Variants in IMPDH2 observed in about 807,000 individuals in gnomAD.
IMPDH2 encodes the protein inosine monophosphate dehydrogenase 2, also known as inosine-5'-monophosphate dehydrogenase 2.
Under a neutral mutation model 57.8 loss-of-function variants are expected in IMPDH2, and 33 were observed. The ratio of observed to expected loss-of-function variants is 0.57; its 90% CI spans 0.43 to 0.76. The LOEUF (loss-of-function observed/expected upper bound fraction) is 0.76, where lower values mean the gene tolerates loss of function less well. Among genes scored for constraint, IMPDH2 ranks in the 30% least tolerant of loss-of-function variants. The pLI is 0.00. For missense variants in IMPDH2, 446 were observed against 659.1 expected (o/e 0.68, Z 3.54); for synonymous variants, 270 against 241.3 (o/e 1.12, Z -1.10).
chr3:49,024,980 T>A lies in IMPDH2; in HGVS notation c.1211A>T (p.Asp404Val). 9.9e-6 allele frequency: 16 copies of A among 1,614,146 alleles called. No individual in the cohort carries two copies. The highest frequency in any genetic ancestry group is 1.4e-5 in the Non-Finnish European group (16 of 1,180,034). ...GCGATATTTCTTTAGCCGGATCCCATCGGAAAAGAAGTATTCACCAGGGGC... is the reference window on the plus strand; with the variant it reads ...GCGATATTTCTTTAGCCGGATCCCAACGGAAAAGAAGTATTCACCAGGGGC... ...TEAPGEYFFS[D>V]GIRLKKYRGM... Residue 404 changes from aspartate (D) to valine (V), a missense_variant, in exon 11 of 14, where the codon GAT (aspartate) becomes GTT (valine). Physicochemically the swap from Asp to Val is radical, Grantham distance 152. Transcript: ENST00000326739.
At chr3:49,025,816 T>TA (rs1421265665) in intron 9 of IMPDH2, among the ~76,000 whole-genome samples, 1 of 152,194 alleles carries the variant, frequency 6.6e-6, no homozygotes, top group Non-Finnish European at 1.5e-5. Flanking sequence ...TCCTGCCCTA[T>TA]CAGCACCCCA....
Position 49,024,414 on chromosome 3 carries a change from G to T in IMPDH2, c.1524-10C>A. The T allele has an allele frequency of 6.2e-7, 1 of 1,614,200 alleles. No individual in the cohort carries two copies. Among genetic ancestry groups the T allele is most frequent in the Non-Finnish European group, 8.5e-7 (1 of 1,180,024 alleles). ...AAGCCGCTTCTCATACCTGCAGGCA[G>T]AAGGACCACCTGTGAGGTGAGGGCA... On this transcript the variant is annotated splice_polypyrimidine_tract_variant and intron_variant, in intron 13 of 13. Transcript: ENST00000326739.
In IMPDH2 at chr3:49,027,749, A is replaced by G. The variant is rs1440857144; in HGVS notation, c.492T>C (p.Asp164=). Residue 164 remains aspartate (D), a synonymous_variant, in exon 5 of 14, where the codon GAT becomes GAC. Coordinates refer to ENST00000326739, the MANE Select transcript of IMPDH2 (RefSeq NM_000884.3). ...AGTCATGTTCCTCCTCTTTGAGAAA[A>G]TCAATGTCCCTGGAGGAGATGATGC... The part of the protein sequence containing the change: ...LVGIISSRDI[D]FLKEEEHDCF... The G allele has an allele frequency of 6.2e-7, 1 of 1,614,148 alleles. No homozygotes were observed.
intron 10 of IMPDH2, 39 bp downstream of exon 10, chr3:49,025,087 G>C (rs1255618186): frequency 1.2e-6 from 2 of 1,614,230 alleles, no homozygotes; most frequent in Non-Finnish European, 1.7e-6. Flanking sequence ...CAGCACTAGG[G>C]AGGGGGTCCC....
At position 49,027,056 on chromosome 3, in the gene IMPDH2, G is replaced by A. The variant is rs781125228; in HGVS notation, c.532-9C>T. On this transcript the variant is annotated splice_polypyrimidine_tract_variant and intron_variant, in intron 5 of 13. Coordinates refer to ENST00000326739, the MANE Select transcript of IMPDH2 (RefSeq NM_000884.3). Reference sequence around the variant, plus strand: ...TCCCTCTTTGTCATTATCTACGTGGGAGGTGAGATGTGAAGAAGGGCCAGT... The same window carrying A: ...TCCCTCTTTGTCATTATCTACGTGGAAGGTGAGATGTGAAGAAGGGCCAGT... The A allele has an allele frequency of 6.2e-7, 1 of 1,600,618 alleles. No homozygotes were observed. Among genetic ancestry groups the A allele is most frequent in the South Asian group, 1.1e-5 (1 of 90,802 alleles).
In IMPDH2 at chr3:49,027,933, A is replaced by T. The variant is rs754631584; in HGVS notation, c.325-17T>A. On this transcript the variant is annotated splice_polypyrimidine_tract_variant and intron_variant, in intron 4 of 13. Coordinates refer to ENST00000326739, the MANE Select transcript of IMPDH2 (RefSeq NM_000884.3). ...TTCATATTTCTGGAAAGGGATGGTG[A>T]GAAAGGGCATCGCATCTTTGAACTA... 1 of 1,585,368 alleles carries T rather than the reference A, an allele frequency of 6.3e-7. No individual in the cohort carries two copies. The highest frequency in any genetic ancestry group is 8.7e-7 in the Non-Finnish European group (1 of 1,155,088).
In IMPDH2 at chr3:49,028,549, C is replaced by G. The variant is rs371591153; in HGVS notation, c.148-17G>C. On this transcript the variant is annotated splice_polypyrimidine_tract_variant and intron_variant, in intron 2 of 13. Coordinates refer to ENST00000326739, the MANE Select transcript of IMPDH2 (RefSeq NM_000884.3). Reference sequence around the variant, plus strand: ...AGTCAGGTCCTGAGGAGACAAACGTCAACCAGTGTGGGAAAGCATCCCTTA... The same window carrying G: ...AGTCAGGTCCTGAGGAGACAAACGTGAACCAGTGTGGGAAAGCATCCCTTA... 230 of 1,596,374 alleles carry G rather than the reference C, an allele frequency of 1.4e-4. No individual in the cohort carries two copies. The highest frequency in any genetic ancestry group is 1.9e-4 in the Non-Finnish European group (217 of 1,164,246).
Position 49,028,182 on chromosome 3 carries a change from C to T in IMPDH2, c.324+66G>A, listed in dbSNP as rs201229045. The T allele has an allele frequency of 4.4e-5, 57 of 1,302,240 alleles. No homozygotes were observed. The East Asian group carries it at 9.2e-4, about 21-fold the overall frequency. The allele number at this position is 1,302,240 out of a possible 1,614,324, so 80.7% of individuals were successfully genotyped here. On this transcript the variant is annotated intron_variant, in intron 4 of 13. Transcript: ENST00000326739. ...AATACTAAATTAGAATAAACCCCTA[C>T]TCCCACCCCACCCCACCTCAGTGCA... is the stretch of plus-strand genomic sequence containing the variant.
chr3:49,025,353 C>T, intron 9 of IMPDH2, 84 bp from the exon 10 acceptor site: 1 of 1,482,880 alleles, frequency 6.7e-7, no homozygotes, highest in African/African-American at 1.4e-5. Flanking sequence ...GACCCAGGAG[C>T]TTTTGGCTAC....
At position 49,024,584 on chromosome 3, in the gene IMPDH2, G is replaced by A. The variant is rs779856970; in HGVS notation, c.1440-6C>T. 8.1e-6 allele frequency: 13 copies of A among 1,614,178 alleles called. No homozygotes were observed. Among genetic ancestry groups the A allele is most frequent in the East Asian group, 2.2e-5 (1 of 44,886 alleles). On this transcript the variant is annotated splice_region_variant and splice_polypyrimidine_tract_variant and intron_variant, in intron 12 of 13. Transcript: ENST00000326739. ...CCCCAGAGTACATCATGGCTCTGAAGAAGGGCAGAGGTCAAATGTGGGTAG... is the reference window on the plus strand; with the variant it reads ...CCCCAGAGTACATCATGGCTCTGAAAAAGGGCAGAGGTCAAATGTGGGTAG...
intron 9 of IMPDH2, 46 bp downstream of exon 9, chr3:49,026,278 G>T: frequency 7.5e-7 from 1 of 1,340,460 alleles, no homozygotes; most frequent in East Asian, 2.4e-5. Context: ...GGTATGTGGG[G>T]CCTGAAACTG....
In IMPDH2 at chr3:49,026,424, G is replaced by A; in HGVS notation, c.911-5C>T. 1 of 1,613,084 alleles carries A rather than the reference G, an allele frequency of 6.2e-7. No individual in the cohort carries two copies. Among genetic ancestry groups the A allele is most frequent in the Non-Finnish European group, 8.5e-7 (1 of 1,179,222 alleles). On this transcript the variant is annotated splice_polypyrimidine_tract_variant and splice_region_variant and intron_variant, in intron 8 of 13. Coordinates refer to ENST00000326739, the MANE Select transcript of IMPDH2 (RefSeq NM_000884.3). ...TGGCCTGGGCAGCAGTGACCACTATGGTGAAGGAAAGGAAAATGCTCATGT... is the reference window on the plus strand; with the variant it reads ...TGGCCTGGGCAGCAGTGACCACTATAGTGAAGGAAAGGAAAATGCTCATGT...
At chr3:49,027,685 G>T in intron 5 of IMPDH2, 25 bp downstream of exon 5, 17 of 1,598,378 alleles carry the variant, frequency 1.1e-5, no homozygotes, top group Non-Finnish European at 1.4e-5. Context: ...CTAGAGCTTG[G>T]ATCTACTCTG....
intron 9 of IMPDH2, chr3:49,025,885 T>C (rs1401686448): frequency 4.5e-6 from 2 of 446,120 alleles, no homozygotes; most frequent in South Asian, 1.6e-5. Context: ...TGTGTATCAG[T>C]TGGCCTTGCC....
rs1274944038 is a variant in IMPDH2, at chr3:49,027,849, A to G, written c.392T>C (p.Phe131Ser). ...GAAACCATGCCGGGCCTTGGCCTCA[A>G]AAACATCCCGCACGCGATCCTTGGG... ...LSPKDRVRDV[F>S]EAKARHGFCG... Residue 131 changes from phenylalanine (F) to serine (S), a missense_variant, in exon 5 of 14, where the codon TTT becomes TCT. Transcript: ENST00000326739. The G allele has an allele frequency of 6.2e-7, 1 of 1,614,222 alleles. No homozygotes were observed. The highest frequency in any genetic ancestry group is 2.2e-5 in the East Asian group (1 of 44,886).
At chr3:49,029,083 AC>A (rs1312163190) in intron 1 of IMPDH2, 169 bp downstream of exon 1, 2 of 669,118 alleles carry the variant, frequency 3.0e-6, no homozygotes, top group East Asian at 2.7e-5. Context: ...GCTTCTCCGT[AC>A]CCCAAGCACC....
chr3:49,025,948 C>T lies in IMPDH2; in HGVS notation c.1006+376G>A, dbSNP rs1199596050. On this transcript the variant is annotated intron_variant, in intron 9 of 13. Transcript: ENST00000326739. The stretch of plus-strand genomic sequence containing the variant: ...GCTACAGCTACGTCAACCAAGCAGC[C>T]GGGCAGTGGGCAGCTGGGCCGGGCC... 11 of 464,412 alleles carry T rather than the reference C, an allele frequency of 2.4e-5. 1 individual carries two copies. The highest frequency in any genetic ancestry group is 1.2e-4 in the Admixed American group (5 of 42,770). The allele number at this position is 464,412 out of a possible 1,614,324, so 28.8% of individuals were successfully genotyped here. A position where few individuals can be genotyped will look rare whatever the true frequency, so the allele number is the denominator to read the frequency against.
chr3:49,026,252 G>C, intron 9 of IMPDH2, 72 bp downstream of exon 9: 1 of 1,142,474 alleles, frequency 8.8e-7, no homozygotes, highest in Non-Finnish European at 1.3e-6. Context: ...GTCCCCATAA[G>C]AGTGCTTGGT....
chr3:49,027,016 G>C lies in IMPDH2; in HGVS notation c.563C>G (p.Ala188Gly). 1 of 1,613,984 alleles carries C rather than the reference G, an allele frequency of 6.2e-7. No homozygotes were observed. Among genetic ancestry groups the C allele is most frequent in the Non-Finnish European group, 8.5e-7 (1 of 1,179,850 alleles). ...CTCCTTCAGTGTGATGCCTGCAGGG[G>C]CTACCACCAAGTCTTCCCTCTTTGT... ...IMTKREDLVV[A>G]PAGITLKEAN... is the part of the protein sequence containing the mutation. The change falls in exon 6 of 14, where the codon GCC (alanine) becomes GGC (glycine). Residue 188 changes from alanine to glycine, a missense_variant. By Grantham distance (60) the Ala-to-Gly change is moderately conservative. Coordinates refer to ENST00000326739, the MANE Select transcript of IMPDH2 (RefSeq NM_000884.3).
Sources: gnomAD v4.1 joint callset for allele counts (sites outside exome capture counted in the v4.1 genomes callset) on GRCh38, gnomAD v4.1.1 for gene constraint, MANE v1.5 for transcripts, NCBI Gene and HGNC (gene_info 2026-07-23, HGNC 2026-07-21) for gene names.